PADI2: variants seen among roughly 807,000 people sequenced by gnomAD.
The protein encoded by PADI2 is peptidyl arginine deiminase 2.
A neutral mutation model predicts 81.1 loss-of-function variants in PADI2; 70 were observed. The ratio of observed to expected loss-of-function variants is 0.86; its 90% confidence interval spans 0.71 to 1.05. The LOEUF (loss-of-function observed/expected upper bound fraction) is 1.05, where lower values mean the gene tolerates loss of function less well. PADI2 is among the 50% of genes least tolerant of loss of function. The probability of loss-of-function intolerance (pLI) is 0.00; values close to 1 mark genes in which losing one functional copy is unlikely to be tolerated. For synonymous variants in PADI2, 338 were observed against 358.0 expected (o/e 0.94, Z 0.63); for missense variants, 853 against 889.9 (o/e 0.96, Z 0.53).
At chr1:17,071,659 C>A (rs550717940) in intron 13 of PADI2, among the ~76,000 whole-genome samples, 168 bp from the exon 14 acceptor site, 1 of 152,268 alleles carries the variant, frequency 6.6e-6, no homozygotes, top group East Asian at 1.9e-4. Flanking sequence ...AAATCAGGCC[C>A]CCCTCTGTCT....
Position 17,083,759 on chromosome 1 carries a change from G to A in PADI2, c.1017C>T (p.Phe339=). The A allele has an allele frequency of 1.2e-6, 2 of 1,613,650 alleles. No homozygotes were observed. The highest frequency in any genetic ancestry group is 1.7e-6 in the Non-Finnish European group (2 of 1,179,516). Residue 339 remains phenylalanine (F), a synonymous_variant, in exon 9 of 16, where the codon TTC becomes TTT. Coordinates refer to ENST00000375486, the MANE Select transcript of PADI2 (RefSeq NM_007365.3). The part of the protein sequence containing the change: ...EKTNCELKVC[F]QYLNRGDRWI... ...AGCGATCGCCTCGGTTTAGGTACTG[G>A]AAGCAGACCTTCAGCTCACAGTTGG...
At chr1:17,106,764 A>C (rs562311880) in intron 1 of PADI2, among the ~76,000 whole-genome samples, 1 of 151,182 alleles carries the variant, frequency 6.6e-6, no homozygotes. Context: ...ATCAAATAGG[A>C]GAAGAAAGAT....
chr1:17,083,691 C>T (rs775645496), intron 9 of PADI2, 35 bp downstream of exon 9: 1 of 1,324,324 alleles, frequency 7.6e-7, no homozygotes, highest in Non-Finnish European at 1.1e-6. Flanking sequence ...GACCCGGGGG[C>T]CATGTCCTTC....
At chr1:17,079,195 G>A in intron 11 of PADI2, 69 bp downstream of exon 11, 4 of 1,458,688 alleles carry the variant, frequency 2.7e-6, no homozygotes, top group Non-Finnish European at 3.8e-6. Context: ...AGCAACCCAG[G>A]CCACCCCAAA....
Position 17,100,048 on chromosome 1 carries a change from G to C in PADI2, c.349+2939C>G, listed in dbSNP as rs186347903. ...CAGCCTCTCAAGATATTGGGGTTGG[G>C]GGGGGGCTTGCCTCTGAGGCGCTGC... On this transcript the variant is annotated intron_variant, in intron 3 of 15. Coordinates refer to ENST00000375486, the MANE Select transcript of PADI2 (RefSeq NM_007365.3). 5.3e-5 allele frequency among the ~76,000 whole-genome samples: 8 copies of C among 151,062 alleles called. 1 individual carries two copies. Among genetic ancestry groups the C allele is most frequent in the Non-Finnish European group, 1.0e-4 (7 of 67,952 alleles).
chr1:17,083,694 T>C (rs1370207288), intron 9 of PADI2, 32 bp downstream of exon 9: 2 of 1,387,722 alleles, frequency 1.4e-6, no homozygotes, highest in Non-Finnish European at 2.1e-6. Flanking sequence ...CCGGGGGCCA[T>C]GTCCTTCCCA....
intron 6 of PADI2, among the ~76,000 whole-genome samples, chr1:17,091,547 C>T (rs1200217297): frequency 1.3e-5 from 2 of 152,048 alleles, no homozygotes; most frequent in Non-Finnish European, 2.9e-5. Flanking sequence ...ATCTGCTCTT[C>T]CCACACTCTA....
At chr1:17,082,873 C>T (rs1030452821) in intron 9 of PADI2, 16 of 464,062 alleles carry the variant, frequency 3.4e-5, no homozygotes, top group Admixed American at 2.0e-4. Flanking sequence ...GATATCAGCC[C>T]CATTTTTTTT....
At chr1:17,113,149 CCAT>C (rs1012061171) in intron 1 of PADI2, among the ~76,000 whole-genome samples, 1 of 152,118 alleles carries the variant, frequency 6.6e-6, no homozygotes, top group Non-Finnish European at 1.5e-5. Flanking sequence ...GATTTCTTTC[CCAT>C]AAGTGCTATG....
chr1:17,073,426 A>G (rs1400602879), intron 13 of PADI2, among the ~76,000 whole-genome samples: 1 of 151,982 alleles, frequency 6.6e-6, no homozygotes, highest in African/African-American at 2.4e-5. Context: ...CAAAAAAAAA[A>G]AAAAAAAGTA....
chr1:17,096,103 G>A, intron 3 of PADI2, 133 bp from the exon 4 acceptor site: 1 of 598,426 alleles, frequency 1.7e-6, no homozygotes, highest in Middle Eastern at 3.4e-4. Context: ...CCTCGCTGAA[G>A]TCATCTTATG....
chr1:17,070,062 G>T, intron 15 of PADI2, 26 bp downstream of exon 15: 1 of 1,610,400 alleles, frequency 6.2e-7, no homozygotes, highest in Non-Finnish European at 8.5e-7. Context: ...GGCATGGGGC[G>T]AGGGTTGGGG....
intron 15 of PADI2, 152 bp downstream of exon 15, chr1:17,069,936 G>A (rs2078253255): frequency 2.5e-6 from 2 of 789,280 alleles, no homozygotes; most frequent in South Asian, 1.9e-5. Flanking sequence ...TGGAGGCCCA[G>A]AGAGGGCAAG....
chr1:17,118,655 T>C (rs1272659335), intron 1 of PADI2, among the ~76,000 whole-genome samples: 1 of 152,206 alleles, frequency 6.6e-6, no homozygotes, highest in Non-Finnish European at 1.5e-5. Context: ...GGTAGAATAT[T>C]GTCCCTCTGT....
chr1:17,083,988 G>A (rs1300158393), intron 8 of PADI2, 151 bp from the exon 9 acceptor site: 6 of 598,656 alleles, frequency 1.0e-5, no homozygotes, highest in South Asian at 2.0e-5. Flanking sequence ...TATAAAGGCC[G>A]CTGGAATCAA....
intron 3 of PADI2, among the ~76,000 whole-genome samples, chr1:17,099,447 C>T (rs1319551083): frequency 2.6e-5 from 4 of 152,162 alleles, no homozygotes; most frequent in African/African-American, 4.8e-5. Context: ...GAAGTCTTTG[C>T]AAATCAACCC....
At chr1:17,075,554 T>C (rs2078295922) in intron 12 of PADI2, 125 bp downstream of exon 12, 1 of 885,034 alleles carries the variant, frequency 1.1e-6, no homozygotes, top group Non-Finnish European at 1.7e-6. Flanking sequence ...CAAACCAGCT[T>C]CAGCCTACTT....
intron 7 of PADI2, among the ~76,000 whole-genome samples, chr1:17,085,116 C>T (rs879084325): frequency 2.0e-5 from 3 of 152,358 alleles, no homozygotes; most frequent in South Asian, 4.1e-4. Context: ...CTGAGCCAGC[C>T]CCCCACCTTC....
At position 17,119,021 on chromosome 1, in the gene PADI2, G is replaced by T. The variant is rs562950522; in HGVS notation, c.92+259C>A. On this transcript the variant is annotated intron_variant, in intron 1 of 15. Coordinates refer to ENST00000375486, the MANE Select transcript of PADI2 (RefSeq NM_007365.3). This position sits in a 1 kb window ranked among gnomAD's most constrained non-coding sequence, Gnocchi z 4.8. Reference sequence around the variant, plus strand: ...GAGGGCCAGACGGAGGGTTACGGGTGAAAGGGAGGGTCTGTGAGGGAGCTG... The same window carrying T: ...GAGGGCCAGACGGAGGGTTACGGGTTAAAGGGAGGGTCTGTGAGGGAGCTG... Among the ~76,000 whole-genome samples the T allele has an allele frequency of 5.2e-3, 784 of 149,744 alleles. 5 individuals carry two copies. Among genetic ancestry groups the T allele is most frequent in the Non-Finnish European group, 7.8e-3 (530 of 67,998 alleles).
Sources: gnomAD v4.1 joint callset for allele counts (sites outside exome capture counted in the v4.1 genomes callset) on GRCh38, gnomAD v4.1.1 for gene constraint, Gnocchi (gnomAD v3.1) non-coding constraint, MANE v1.5 for transcripts, NCBI Gene and HGNC (gene_info 2026-07-23, HGNC 2026-07-21) for gene names.